PSD3: variants seen among roughly 807,000 people sequenced by gnomAD.
PSD3 encodes pleckstrin and Sec7 domain containing 3.
PSD3 carries 49 observed loss-of-function variants against 105.5 expected under a neutral mutation model. The ratio of observed to expected loss-of-function variants is 0.46; its 90% CI spans 0.37 to 0.59. The LOEUF (loss-of-function observed/expected upper bound fraction) is 0.59. Among genes scored for constraint, PSD3 ranks in the 20% least tolerant of loss-of-function variants. PSD3 has a pLI of 0.00. For missense variants in PSD3, 1,561 were observed against 1,263.8 expected (o/e 1.24, Z -3.57); for synonymous variants, 557 against 457.8 (o/e 1.22, Z -2.77).
chr8:18,854,233 A>C (rs755349403), intron 4 of PSD3: 4 of 152,932 alleles, frequency 2.6e-5, no homozygotes, highest in Non-Finnish European at 4.4e-5. Flanking sequence ...TTGCAAGTAC[A>C]AACTGCTACA....
chr8:18,573,831 G>A (rs953632143), intron 13 of PSD3, among the ~76,000 whole-genome samples: 2 of 152,104 alleles, frequency 1.3e-5, no homozygotes, highest in Admixed American at 6.5e-5. Flanking sequence ...GGATCTCTTT[G>A]GAGTGATGGA....
intron 4 of PSD3, among the ~76,000 whole-genome samples, chr8:18,827,540 G>A (rs900500555): frequency 1.3e-5 from 2 of 152,182 alleles, no homozygotes; most frequent in African/African-American, 2.4e-5. Flanking sequence ...TATGGAAGGT[G>A]ACTGGATTAA....
intron 9 of PSD3, among the ~76,000 whole-genome samples, chr8:18,675,568 G>T (rs998143289): frequency 7.2e-5 from 11 of 152,076 alleles, no homozygotes; most frequent in South Asian, 2.1e-4. Flanking sequence ...GCCTCAGCCA[G>T]CCCGTTCAGA....
intron 8 of PSD3, among the ~76,000 whole-genome samples, chr8:18,788,936 G>C (rs1453842324): frequency 1.3e-5 from 2 of 152,104 alleles, no homozygotes; most frequent in Non-Finnish European, 2.9e-5. Flanking sequence ...GGGGGCAAAG[G>C]AGGACCCTTT....
At chr8:18,972,874 A>G (rs1159905322) in intron 1 of PSD3, among the ~76,000 whole-genome samples, 3 of 152,248 alleles carry the variant, frequency 2.0e-5, no homozygotes, top group Non-Finnish European at 4.4e-5. Context: ...CAGCATGGAA[A>G]GCATCACTGG....
intron 8 of PSD3, among the ~76,000 whole-genome samples, chr8:18,771,718 G>C (rs1807552554): frequency 2.0e-5 from 3 of 152,186 alleles, no homozygotes; most frequent in Admixed American, 2.0e-4. Flanking sequence ...CTTTATATCA[G>C]CATAACTCTT....
intron 14 of PSD3, among the ~76,000 whole-genome samples, chr8:18,567,699 A>C (rs963278739): frequency 2.6e-5 from 4 of 152,168 alleles, no homozygotes; most frequent in African/African-American, 4.8e-5. Context: ...GCAACACTTG[A>C]GCACATTTTC....
chr8:18,776,546 T>C (rs1808108608), intron 8 of PSD3, among the ~76,000 whole-genome samples: 1 of 151,792 alleles, frequency 6.6e-6, no homozygotes, highest in South Asian at 2.1e-4. Context: ...CCTGGCTACT[T>C]TTTCTATTTT....
intron 1 of PSD3, among the ~76,000 whole-genome samples, chr8:19,032,404 A>G (rs935319356): frequency 2.0e-5 from 3 of 152,072 alleles, no homozygotes; most frequent in Admixed American, 2.0e-4. Flanking sequence ...GCACTTTGGG[A>G]GGCCAAGGTG....
chr8:18,648,802 G>A (rs1380181125), intron 10 of PSD3, among the ~76,000 whole-genome samples: 1 of 152,208 alleles, frequency 6.6e-6, no homozygotes, highest in East Asian at 1.9e-4. Context: ...ACTGCTCCCT[G>A]CATCCCAGCC....
intron 2 of PSD3, among the ~76,000 whole-genome samples, chr8:18,884,161 G>C (rs1818301439): frequency 6.6e-6 from 1 of 151,904 alleles, no homozygotes; most frequent in African/African-American, 2.4e-5. Flanking sequence ...GAAGATAAAT[G>C]CTTAATTTAC....
chr8:19,037,794 T>C (rs1827992928), intron 1 of PSD3, among the ~76,000 whole-genome samples: 2 of 152,074 alleles, frequency 1.3e-5, no homozygotes, highest in South Asian at 2.1e-4. Flanking sequence ...GACTGAATTA[T>C]ACCACCAGCT....
rs542318435 is a variant in PSD3 at position 18,687,159 on chromosome 8, A to C, written c.2173-31474T>G. Among the ~76,000 whole-genome samples, 58 of 152,306 alleles carry C rather than the reference A, an allele frequency of 3.8e-4. 2 individuals are homozygous for C. In the South Asian group the frequency reaches 0.012, roughly 31 times the overall value. ...TTCTCTATCGGCTCTCACGTCATTC[A>C]ACTTTCTTTTAAAGAAAATTCAGGA... On this transcript the variant is annotated intron_variant, in intron 9 of 15. Transcript: ENST00000327040.
chr8:18,969,870 TA>T (rs199864146), intron 1 of PSD3, among the ~76,000 whole-genome samples: 1 of 151,592 alleles, frequency 6.6e-6, no homozygotes, highest in Non-Finnish European at 1.5e-5. Flanking sequence ...TATAAATATT[TA>T]AAAAAAAATC....
At chr8:19,016,908 G>A (rs1827195464), upstream of PSD3, among the ~76,000 whole-genome samples, 1 of 152,070 alleles carries the variant, frequency 6.6e-6, no homozygotes, top group Non-Finnish European at 1.5e-5. Flanking sequence ...GCATTCATGA[G>A]AGCAGAGCCC....
chr8:18,657,851 A>G (rs1229752871), intron 9 of PSD3, among the ~76,000 whole-genome samples: 3 of 152,230 alleles, frequency 2.0e-5, no homozygotes, highest in African/African-American at 7.2e-5. Flanking sequence ...GAGTAATTCA[A>G]AATGTGGCAA....
chr8:18,702,827 T>C (rs1257242941), intron 9 of PSD3, among the ~76,000 whole-genome samples: 1 of 152,022 alleles, frequency 6.6e-6, no homozygotes, highest in South Asian at 2.1e-4. Context: ...TTAGCCGGGA[T>C]GGTCTCGATC....
chr8:18,871,969 C>T lies in PSD3; in HGVS notation c.895G>A (p.Val299Met). The change falls in exon 3 of 16, where the codon GTG becomes ATG. Residue 299 changes from valine to methionine, a missense_variant. Transcript: ENST00000327040. Reference sequence around the variant, plus strand: ...AGTATTTCCACTCCTTGAAATTCCACATGTTTGACCCGGCCTGGGCGTCCC... The same window carrying T: ...AGTATTTCCACTCCTTGAAATTCCATATGTTTGACCCGGCCTGGGCGTCCC... ...SMGRPGRVKH[V>M]EFQGVEILWT... is the part of the protein sequence containing the mutation. The T allele has an allele frequency of 3.1e-6, 5 of 1,614,172 alleles. No individual in the cohort carries two copies. The highest frequency in any genetic ancestry group is 2.2e-5 in the East Asian group (1 of 44,870).
Position 18,579,096 on chromosome 8 carries a change from CCACACACACACACA to C in PSD3, c.2482-3825_2482-3812del, listed in dbSNP as rs3988324. ...CCTACTAGAAAATAAAGCTCCAAGTCCACACACACACACACACACACACACACACACACACACAA... is the reference window on the plus strand; with the variant it reads ...CCTACTAGAAAATAAAGCTCCAAGTCCACACACACACACACACACACACAA... On this transcript the variant is annotated intron_variant, in intron 12 of 15. Transcript: ENST00000327040. Among the ~76,000 whole-genome samples, 8 of 143,648 alleles carry C rather than the reference CCACACACACACACA, an allele frequency of 5.6e-5. No homozygotes were observed. The South Asian group carries it at 1.1e-3, about 21-fold the overall frequency. 94.2% of individuals were successfully genotyped at this position (143,648 alleles called of 152,430 possible).
Sources: gnomAD v4.1 joint callset for allele counts (sites outside exome capture counted in the v4.1 genomes callset) on GRCh38, gnomAD v4.1.1 for gene constraint, MANE v1.5 for transcripts, NCBI Gene and HGNC (gene_info 2026-07-23, HGNC 2026-07-21) for gene names.